Variants in TGM7 observed in about 807,000 individuals in gnomAD.
TGM7 encodes protein-glutamine gamma-glutamyltransferase Z.
Under a neutral mutation model 79.5 loss-of-function variants are expected in TGM7, and 74 were observed. That is an observed-to-expected ratio of 0.93 (90% CI 0.77 to 1.13). The LOEUF (loss-of-function observed/expected upper bound fraction) is 1.13, where lower values mean the gene tolerates loss of function less well. Ranked by LOEUF, TGM7 falls within the 50% of genes most tolerant of loss-of-function variation. The probability of loss-of-function intolerance (pLI) is 0.00; values close to 1 mark genes in which losing one functional copy is unlikely to be tolerated. For synonymous variants in TGM7, 354 were observed against 362.5 expected (o/e 0.98, Z 0.27); for missense variants, 912 against 905.9 (o/e 1.01, Z -0.09).
intron 7 of TGM7, 67 bp downstream of exon 7, chr15:43,284,747 G>C (rs1272142493): frequency 1.3e-6 from 2 of 1,570,876 alleles, no homozygotes; most frequent in African/African-American, 1.4e-5. Flanking sequence ...GAGCCAGAGA[G>C]AACCAGGTCA....
intron 1 of TGM7, among the ~76,000 whole-genome samples, chr15:43,300,385 G>A (rs981821292): frequency 5.9e-5 from 9 of 152,196 alleles, no homozygotes; most frequent in African/African-American, 2.2e-4. Context: ...TGGCAAAGTT[G>A]GCATTTAAAC....
intron 4 of TGM7, among the ~76,000 whole-genome samples, chr15:43,290,160 A>AT (rs2042956638): frequency 6.6e-6 from 1 of 152,118 alleles, no homozygotes; most frequent in African/African-American, 2.4e-5. Flanking sequence ...CCTGAATGGT[A>AT]TTGCCTAGGT....
rs140755102 is a variant in TGM7, at chr15:43,279,206, C to G, written c.1750G>C (p.Val584Leu). 1 of 1,614,150 alleles carries G rather than the reference C, an allele frequency of 6.2e-7. No individual in the cohort carries two copies. Residue 584 changes from valine (V) to leucine (L), a missense_variant, in exon 11 of 13, where the codon GTG becomes CTG. Coordinates refer to ENST00000452443, the MANE Select transcript of TGM7 (RefSeq NM_052955.3). ...TCTTCAACCTCCGCGATGCCAGACA[C>G]GCGGATGAGCTTTTCGTCCGTTAGC... ...NKLTDEKLIR[V>L]SGIAEVEETG...
intron 7 of TGM7, among the ~76,000 whole-genome samples, chr15:43,283,645 T>G (rs138605894): frequency 9.2e-5 from 14 of 152,344 alleles, no homozygotes; most frequent in Non-Finnish European, 1.9e-4. Context: ...TCCTCATGAT[T>G]AGACTCAAGA....
chr15:43,279,194 C>T lies in TGM7; in HGVS notation c.1762G>A (p.Ala588Thr), dbSNP rs1274629783. Residue 588 changes from alanine (A) to threonine (T), a missense_variant, in exon 11 of 13, where the codon GCG (alanine) becomes ACG (threonine). Transcript: ENST00000452443. ...DEKLIRVSGI[A>T]EVEETGRSML... is the part of the protein sequence containing the mutation. ...GACCTCCCTGTCTCTTCAACCTCCGCGATGCCAGACACGCGGATGAGCTTT... is the reference window on the plus strand; with the variant it reads ...GACCTCCCTGTCTCTTCAACCTCCGTGATGCCAGACACGCGGATGAGCTTT... 4.3e-6 allele frequency: 7 copies of T among 1,614,070 alleles called. No homozygotes were observed. In the Admixed American group the frequency reaches 5.0e-5, roughly 12 times the overall value.
intron 7 of TGM7, 24 bp downstream of exon 7, chr15:43,284,790 T>C (rs746523632): frequency 1.2e-6 from 2 of 1,612,002 alleles, no homozygotes; most frequent in Admixed American, 3.3e-5. Context: ...AAAGCAGAGA[T>C]CTGTTCAAGA....
chr15:43,295,579 C>G (rs898459281), intron 1 of TGM7, among the ~76,000 whole-genome samples: 2 of 152,076 alleles, frequency 1.3e-5, no homozygotes, highest in African/African-American at 4.8e-5. Flanking sequence ...GACAGAGCAA[C>G]TCCATCTCAA....
rs757154388 is a variant in TGM7 at position 43,279,271 on chromosome 15, T to C, written c.1685A>G (p.Gln562Arg). 1.4e-5 allele frequency: 23 copies of C among 1,613,944 alleles called. No homozygotes were observed. The highest frequency in any genetic ancestry group is 1.9e-5 in the Non-Finnish European group (23 of 1,179,900). ...GCTGTAGGGCAGGAGGAGCGGCCAC[T>C]GTGTCTCTAAGCACATACAAAAGAC... ...RMNLDFGKET[Q>R]WPLLLPYSNY... Residue 562 changes from glutamine to arginine, a missense_variant, in exon 11 of 13, where the codon CAG (glutamine) becomes CGG (arginine). By Grantham distance (43) the Gln-to-Arg change is conservative. Coordinates refer to ENST00000452443, the MANE Select transcript of TGM7 (RefSeq NM_052955.3).
At chr15:43,282,743 A>C in intron 7 of TGM7, 123 bp from the exon 8 acceptor site, 2 of 807,416 alleles carry the variant, frequency 2.5e-6, no homozygotes, top group Non-Finnish European at 3.9e-6. Flanking sequence ...AAGTAATTTC[A>C]TACTAAAAGT....
In TGM7 at chr15:43,296,653, G is replaced by A. The variant is rs1031884501; in HGVS notation, c.11-3022C>T. On this transcript the variant is annotated intron_variant, in intron 1 of 12. Transcript: ENST00000452443. ...GACTCAGGGTAGCCTTTTCCTGGCT[G>A]CTGTTTGTAGCTCAAAGCATAGTTC... Among the ~76,000 whole-genome samples the A allele has an allele frequency of 1.4e-4, 21 of 152,104 alleles. 1 individual carries two copies. Among genetic ancestry groups the A allele is most frequent in the South Asian group, 1.2e-3 (6 of 4,832 alleles).
At position 43,293,449 on chromosome 15, in the gene TGM7, C is replaced by T. The variant is rs763579477; in HGVS notation, c.193G>A (p.Gly65Arg). The change falls in exon 2 of 13, where the codon GGA becomes AGA. Residue 65 changes from glycine (G) to arginine (R), a missense_variant and splice_region_variant. Coordinates refer to ENST00000452443, the MANE Select transcript of TGM7 (RefSeq NM_052955.3). ...NDHITFVAET[G>R]PKPSELLGTR... ...GGGCCTTGGGACAGGGCAAACTCAC[C>T]GGTCTCAGCCACAAAGGTGATGTGG... 17 of 1,595,712 alleles carry T rather than the reference C, an allele frequency of 1.1e-5. No individual in the cohort carries two copies. In the African/African-American group the frequency reaches 1.9e-4, roughly 18 times the overall value.
intron 3 of TGM7, 141 bp from the exon 4 acceptor site, chr15:43,292,238 G>T: frequency 3.2e-6 from 2 of 627,686 alleles, no homozygotes; most frequent in Non-Finnish European, 2.8e-6. Flanking sequence ...ATTAAGACTA[G>T]ACCCCCTTAA....
chr15:43,290,684 T>C lies in TGM7; in HGVS notation c.558+1295A>G, dbSNP rs1330207489. 2.0e-5 allele frequency among the ~76,000 whole-genome samples: 3 copies of C among 152,234 alleles called. No individual in the cohort carries two copies. The East Asian group carries it at 5.8e-4, about 29-fold the overall frequency. On this transcript the variant is annotated intron_variant, in intron 4 of 12. Transcript: ENST00000452443. ...ATGGCCATTTTCACAGTACTGATTC[T>C]TCCTACCCATGAGCATGGAATGTTC...
At position 43,282,534 on chromosome 15, in the gene TGM7, G is replaced by T; in HGVS notation, c.1091C>A (p.Pro364His). 6.3e-7 allele frequency: 1 copy of T among 1,593,830 alleles called. No homozygotes were observed. Among genetic ancestry groups the T allele is most frequent in the East Asian group, 2.3e-5 (1 of 44,400 alleles). Reference protein sequence around the residue: ...YNGWQVLDPTPQQTSSGLFCC... With the variant: ...YNGWQVLDPTHQQTSSGLFCC... ...TCACTCACCACTGCTGGTCTGCTGG[G>T]GAGTGGGGTCCAGAACCTGCCACCC... The change falls in exon 8 of 13, where the codon CCC becomes CAC. Residue 364 changes from proline (P) to histidine (H), a missense_variant. Coordinates refer to ENST00000452443, the MANE Select transcript of TGM7 (RefSeq NM_052955.3).
In TGM7 at chr15:43,276,458, G is replaced by T; in HGVS notation, c.2130C>A (p.Pro710=). The T allele has an allele frequency of 1.2e-6, 2 of 1,611,756 alleles. No homozygotes were observed. The highest frequency in any genetic ancestry group is 2.2e-5 in the South Asian group (2 of 90,690). ...GAGGGCAGCTGGAGGGCGGGTCTCA[G>T]GGAGCCCCAGCCACAGTGACGAAGA... is the stretch of plus-strand genomic sequence containing the variant. The part of the protein sequence containing the change: ...KDIFVTVAGA[P] The change falls in exon 13 of 13, where the codon CCC becomes CCA. Residue 710 remains proline, a synonymous_variant. Transcript: ENST00000452443.
rs1200334141 is a variant in TGM7 at position 43,281,899 on chromosome 15, C to T, written c.1296G>A (p.Lys432=). 4.3e-6 allele frequency: 7 copies of T among 1,614,100 alleles called. No homozygotes were observed. Among genetic ancestry groups the T allele is most frequent in the Non-Finnish European group, 5.9e-6 (7 of 1,180,040 alleles). Reference sequence around the variant, plus strand: ...TCTGGCGCTGGTCTGACCCCACCATCTTAGTGCTGATCTCCTTCCCGATGG... The same window carrying T: ...TCTGGCGCTGGTCTGACCCCACCATTTTAGTGCTGATCTCCTTCCCGATGG... ...TSSIGKEIST[K]MVGSDQRQSI... is the part of the protein sequence containing the mutation. Residue 432 remains lysine (K), a synonymous_variant, in exon 9 of 13, where the codon AAG becomes AAA. Coordinates refer to ENST00000452443, the MANE Select transcript of TGM7 (RefSeq NM_052955.3).
At chr15:43,288,320 C>T (rs111695163) in intron 4 of TGM7, among the ~76,000 whole-genome samples, 121 of 152,278 alleles carry the variant, frequency 7.9e-4, no homozygotes, top group Admixed American at 1.2e-3. Context: ...AACGTGCTCT[C>T]CCTCAGCAAG....
At chr15:43,285,743 C>T (rs1273353333) in intron 6 of TGM7, among the ~76,000 whole-genome samples, 2 of 152,166 alleles carry the variant, frequency 1.3e-5, no homozygotes, top group Non-Finnish European at 2.9e-5. Context: ...CAGCAGCTCC[C>T]TCTTGTGGCT....
At position 43,287,320 on chromosome 15, in the gene TGM7, C is replaced by A; in HGVS notation, c.825G>T (p.Lys275Asn). ...QWSARGGQPVKYGQCWVFASV... is the reference protein window; with the variant it reads ...QWSARGGQPVNYGQCWVFASV... ...AGGCGAAGACCCAGCACTGTCCGTA[C>A]TTCACAGGCTGCCCGCCCCTGGCTG... The change falls in exon 6 of 13, where the codon AAG becomes AAT. Residue 275 changes from lysine to asparagine, a missense_variant. Transcript: ENST00000452443. The A allele has an allele frequency of 6.2e-7, 1 of 1,614,050 alleles. No individual in the cohort carries two copies.
Sources: allele counts gnomAD v4.1 joint callset (sites outside exome capture counted in the v4.1 genomes callset), GRCh38; gene constraint gnomAD v4.1.1; transcripts MANE v1.5; gene names NCBI Gene and HGNC (gene_info 2026-07-23, HGNC 2026-07-21).